FRMD4A: variants seen among roughly 807,000 people sequenced by gnomAD.
FRMD4A encodes FERM domain-containing protein 4A.
A neutral mutation model predicts 129.1 loss-of-function variants in FRMD4A; 29 were observed. The ratio of observed to expected loss-of-function variants is 0.22; its 90% CI spans 0.17 to 0.31. The LOEUF (loss-of-function observed/expected upper bound fraction) is 0.31, where lower values mean the gene tolerates loss of function less well. Ranked by LOEUF, FRMD4A falls within the 10% of genes least tolerant of loss-of-function variation. The pLI is 1.00. For synonymous variants in FRMD4A, 634 were observed against 571.6 expected (o/e 1.11, Z -1.56); for missense variants, 1,272 against 1,375.8 (o/e 0.92, Z 1.19).
At chr10:13,692,701 C>T (rs1052512282) in intron 15 of FRMD4A, 4 of 152,280 alleles carry the variant, frequency 2.6e-5, no homozygotes, top group Non-Finnish European at 5.9e-5. Flanking sequence ...GCTAACGAGA[C>T]AATTTTTAGC....
chr10:13,780,326 C>CAAAAA (rs35947539), intron 6 of FRMD4A, among the ~76,000 whole-genome samples: 9 of 145,564 alleles, frequency 6.2e-5, no homozygotes, highest in Non-Finnish European at 1.1e-4. Context: ...GACTGTGTCT[C>CAAAAA]AAAAAAAAAA....
chr10:14,203,168 C>T (rs1390034535), intron 2 of FRMD4A, among the ~76,000 whole-genome samples: 1 of 152,172 alleles, frequency 6.6e-6, no homozygotes. Context: ...CCTGCCTCCT[C>T]TCCTGTCCTT....
intron 7 of FRMD4A, among the ~76,000 whole-genome samples, chr10:13,762,217 G>A (rs1226014099): frequency 1.1e-4 from 17 of 152,076 alleles, no homozygotes; most frequent in Non-Finnish European, 2.2e-4. Flanking sequence ...CTTTTTTTAC[G>A]TTTTATTTTT....
intron 9 of FRMD4A, among the ~76,000 whole-genome samples, chr10:13,741,996 A>G (rs2091032875): frequency 6.6e-6 from 1 of 152,166 alleles, no homozygotes; most frequent in Non-Finnish European, 1.5e-5. Context: ...AGCTGGGATT[A>G]CAGGTGTGTG....
At chr10:14,054,709 C>A (rs948089392) in intron 2 of FRMD4A, among the ~76,000 whole-genome samples, 1 of 152,114 alleles carries the variant, frequency 6.6e-6, no homozygotes, top group African/African-American at 2.4e-5. Flanking sequence ...TGTCCCCACC[C>A]AAATCTCATC....
At chr10:14,236,264 T>C (rs1000681946) in intron 2 of FRMD4A, among the ~76,000 whole-genome samples, 2 of 152,172 alleles carry the variant, frequency 1.3e-5, no homozygotes, top group African/African-American at 2.4e-5. Flanking sequence ...ATCCCATCAG[T>C]AGAATGCACG....
At chr10:13,891,895 C>G (rs1034110137) in intron 2 of FRMD4A, 1 of 271,128 alleles carries the variant, frequency 3.7e-6, no homozygotes, top group Non-Finnish European at 5.6e-6. Flanking sequence ...GCGCCCGGCC[C>G]GCCGCATGGT....
chr10:13,963,719 C>T (rs377114332), intron 2 of FRMD4A, among the ~76,000 whole-genome samples: 91 of 152,282 alleles, frequency 6.0e-4, no homozygotes, highest in East Asian at 1.9e-3. Flanking sequence ...AAGCGTTCTA[C>T]GTAATTACAA....
At chr10:13,720,162 C>CCT (rs764592754) in intron 12 of FRMD4A, among the ~76,000 whole-genome samples, 36 of 152,330 alleles carry the variant, frequency 2.4e-4, no homozygotes, top group Middle Eastern at 6.8e-3. Context: ...AATTCTCCTG[C>CCT]CTCAGCCTCC....
chr10:14,165,780 G>A (rs71479863), intron 2 of FRMD4A, among the ~76,000 whole-genome samples: 27,554 of 152,026 alleles, frequency 0.18, 2,569 homozygotes, highest in Admixed American at 0.23. Context: ...ACATGTTCTC[G>A]CTTATAAGTG....
At chr10:14,133,979 C>A (rs1437072487) in intron 2 of FRMD4A, among the ~76,000 whole-genome samples, 1 of 152,168 alleles carries the variant, frequency 6.6e-6, no homozygotes, top group Admixed American at 6.5e-5. Flanking sequence ...TTCTTGGTAT[C>A]TGATTGGAGT....
chr10:13,878,203 C>G (rs1273631525), intron 2 of FRMD4A, among the ~76,000 whole-genome samples: 7 of 131,518 alleles, frequency 5.3e-5, no homozygotes, highest in African/African-American at 1.7e-4. Context: ...GAGGTAATTA[C>G]TGTGTTGACT....
At chr10:13,896,952 A>AT (rs543604469) in intron 2 of FRMD4A, among the ~76,000 whole-genome samples, 238 of 152,302 alleles carry the variant, frequency 1.6e-3, no homozygotes, top group African/African-American at 5.4e-3. Context: ...AAATTTTTGA[A>AT]TTTTTGCATG....
intron 2 of FRMD4A, among the ~76,000 whole-genome samples, chr10:13,933,605 G>A (rs2095222148): frequency 6.6e-6 from 1 of 152,212 alleles, no homozygotes; most frequent in African/African-American, 2.4e-5. Flanking sequence ...CACTGGCATA[G>A]TGAGTGTGTG....
At chr10:14,238,062 C>G (rs1163728560) in intron 2 of FRMD4A, among the ~76,000 whole-genome samples, 1 of 152,208 alleles carries the variant, frequency 6.6e-6, no homozygotes, top group Non-Finnish European at 1.5e-5. Flanking sequence ...TAAATCCCAG[C>G]CACTGCTCCC....
chr10:14,009,096 C>T (rs2095672232), intron 2 of FRMD4A, among the ~76,000 whole-genome samples: 1 of 152,228 alleles, frequency 6.6e-6, no homozygotes, highest in African/African-American at 2.4e-5. Flanking sequence ...TCATCCATCA[C>T]GTCTGTCAAT....
intron 2 of FRMD4A, among the ~76,000 whole-genome samples, chr10:13,921,558 G>T (rs900632519): frequency 1.3e-5 from 2 of 152,142 alleles, no homozygotes; most frequent in Non-Finnish European, 2.9e-5. Flanking sequence ...ACCATGTCTG[G>T]GCTGGTGCCT....
chr10:14,054,736 A>G (rs907101517), intron 2 of FRMD4A, among the ~76,000 whole-genome samples: 6 of 152,120 alleles, frequency 3.9e-5, no homozygotes, highest in Non-Finnish European at 5.9e-5. Flanking sequence ...TGTAGCTCCC[A>G]TAATCCCCAC....
At chr10:13,754,224 AT>A (rs1256923573) in intron 8 of FRMD4A, among the ~76,000 whole-genome samples, 2 of 152,138 alleles carry the variant, frequency 1.3e-5, no homozygotes, top group Non-Finnish European at 2.9e-5. Flanking sequence ...AGCTGTCATA[AT>A]ACAAAATTTC....
Sources: gnomAD v4.1 joint callset for allele counts (sites outside exome capture counted in the v4.1 genomes callset) on GRCh38, gnomAD v4.1.1 for gene constraint, MANE v1.5 for transcripts, NCBI Gene and HGNC (gene_info 2026-07-23, HGNC 2026-07-21) for gene names.